Variants in DPY19L3 observed in about 807,000 individuals in gnomAD.
DPY19L3 encodes protein C-mannosyl-transferase DPY19L3.
Under a neutral mutation model 92.3 loss-of-function variants are expected in DPY19L3, and 51 were observed. That is an observed-to-expected ratio of 0.55 (90% CI 0.44 to 0.70). The LOEUF (loss-of-function observed/expected upper bound fraction) is 0.70. DPY19L3 is among the 30% of genes least tolerant of loss of function. The pLI, the probability that DPY19L3 is intolerant of heterozygous loss-of-function variation, is 0.00. For missense variants in DPY19L3, 706 were observed against 855.9 expected (o/e 0.82, Z 2.18); for synonymous variants, 309 against 315.2 (o/e 0.98, Z 0.21).
intron 4 of DPY19L3, 87 bp from the exon 5 acceptor site, chr19:32,436,359 A>G: frequency 9.5e-7 from 1 of 1,049,718 alleles, no homozygotes; most frequent in Non-Finnish European, 1.3e-6. Flanking sequence ...AGTCTCTAGC[A>G]CTTACTAAAC....
chr19:32,424,298 C>T (rs955781867), intron 3 of DPY19L3, among the ~76,000 whole-genome samples: 1 of 144,240 alleles, frequency 6.9e-6, no homozygotes, highest in African/African-American at 2.6e-5. Context: ...CCGGTCTGGG[C>T]AACAGAGTGA....
intron 16 of DPY19L3, among the ~76,000 whole-genome samples, chr19:32,474,023 G>A (rs919760157): frequency 2.6e-5 from 4 of 152,110 alleles, no homozygotes; most frequent in East Asian, 1.9e-4. Context: ...GGCTGGTCTC[G>A]AACTCCTGAC....
Position 32,426,643 on chromosome 19 carries a change from C to G in DPY19L3, c.238-6073C>G, listed in dbSNP as rs867775184. On this transcript the variant is annotated intron_variant, in intron 3 of 18. Coordinates refer to ENST00000392250, the MANE Select transcript of DPY19L3 (RefSeq NM_001172774.2). ...CAGAAGAATGACAGAGCTGTCAGAA[C>G]ACACACATTTCAGTTCACCGTCTTA... Among the ~76,000 whole-genome samples, 19 of 152,192 alleles carry G rather than the reference C, an allele frequency of 1.2e-4. No individual in the cohort carries two copies. In the South Asian group the frequency reaches 1.4e-3, roughly 12 times the overall value.
intron 3 of DPY19L3, among the ~76,000 whole-genome samples, chr19:32,417,611 G>A (rs753088326): frequency 6.6e-5 from 10 of 152,166 alleles, no homozygotes; most frequent in Non-Finnish European, 1.2e-4. Flanking sequence ...GAGCTACCAC[G>A]CCTGGCCAGA....
chr19:32,415,703 A>G (rs1261873559), intron 3 of DPY19L3, among the ~76,000 whole-genome samples: 3 of 152,228 alleles, frequency 2.0e-5, no homozygotes, highest in Admixed American at 1.3e-4. Context: ...GGATTCAGTA[A>G]TATTTAAATA....
intron 7 of DPY19L3, 147 bp from the exon 8 acceptor site, chr19:32,439,629 A>G (rs534710214): frequency 3.0e-5 from 23 of 759,424 alleles, no homozygotes; most frequent in Non-Finnish European, 4.6e-5. Context: ...GTTAGAGCTT[A>G]AATAACAAAT....
At chr19:32,432,682 T>C in intron 3 of DPY19L3, 34 bp from the exon 4 acceptor site, 2 of 1,581,614 alleles carry the variant, frequency 1.3e-6, no homozygotes, top group Non-Finnish European at 1.7e-6. Context: ...CAAAACTAGG[T>C]CACATAAACC....
intron 16 of DPY19L3, among the ~76,000 whole-genome samples, chr19:32,472,953 T>C (rs1454427426): frequency 1.3e-5 from 2 of 152,232 alleles, no homozygotes; most frequent in South Asian, 4.1e-4. Flanking sequence ...AGTTCAGACC[T>C]TAAATGCCTA....
chr19:32,464,632 T>C, intron 14 of DPY19L3, 96 bp from the exon 15 acceptor site: 2 of 715,224 alleles, frequency 2.8e-6, no homozygotes, highest in South Asian at 2.1e-5. Context: ...AGCCCAAGAA[T>C]TCCAGGCCAG....
At chr19:32,459,918 A>G (rs1161270439) in intron 12 of DPY19L3, among the ~76,000 whole-genome samples, 1 of 152,204 alleles carries the variant, frequency 6.6e-6, no homozygotes, top group Non-Finnish European at 1.5e-5. Context: ...CGATTTTATC[A>G]TTGTGCGAAT....
intron 8 of DPY19L3, among the ~76,000 whole-genome samples, chr19:32,440,904 T>G: frequency 6.6e-6 from 1 of 150,796 alleles, no homozygotes; most frequent in East Asian, 1.9e-4. Flanking sequence ...AGATCACAAG[T>G]GAGGGTAGAA....
rs188515321 is a variant in DPY19L3, at chr19:32,463,396, A to T, written c.1353A>T (p.Lys451Asn). The T allele has an allele frequency of 9.4e-5, 152 of 1,613,880 alleles. No individual in the cohort carries two copies. The Admixed American group carries it at 2.5e-3, about 26-fold the overall frequency. The part of the protein sequence containing the change: ...SDSTNQQSVG[K>N]MEKGTVDLKP... ...CTACAAATCAACAATCCGTGGGTAAAATGGAAAAAGGCACAGTTGACCTGA... is the reference window on the plus strand; with the variant it reads ...CTACAAATCAACAATCCGTGGGTAATATGGAAAAAGGCACAGTTGACCTGA... Residue 451 changes from lysine to asparagine, a missense_variant, in exon 13 of 19, where the codon AAA (lysine) becomes AAT (asparagine). Lys to Asn is a moderately conservative substitution (Grantham distance 94). Transcript: ENST00000392250.
At chr19:32,467,418 T>C (rs996624255) in intron 15 of DPY19L3, 3 of 985,856 alleles carry the variant, frequency 3.0e-6, no homozygotes, top group Non-Finnish European at 3.6e-6. Context: ...ATCATTGAAA[T>C]ATTACAAAGG....
In DPY19L3 at chr19:32,484,285, A is replaced by C. The variant is rs1228519779; in HGVS notation, c.*2045A>C. On this transcript the variant is annotated 3_prime_UTR_variant, in exon 19 of 19. Transcript: ENST00000392250. The stretch of plus-strand genomic sequence containing the variant: ...ACAGTAGCTATTTCCTGATGACCAA[A>C]TCTCTCAACGAATCATGTTATTAAT... 6.6e-6 allele frequency: 1 copy of C among 152,532 alleles called. No homozygotes were observed. Among genetic ancestry groups the C allele is most frequent in the East Asian group, 1.9e-4 (1 of 5,190 alleles). The allele number at this position is 152,532 out of a possible 1,614,324, so 9.4% of individuals were successfully genotyped here. A position where few individuals can be genotyped will look rare whatever the true frequency, so the allele number is the denominator to read the frequency against.
chr19:32,472,293 A>G (rs1409537166), intron 16 of DPY19L3, among the ~76,000 whole-genome samples: 1 of 152,106 alleles, frequency 6.6e-6, no homozygotes, highest in Non-Finnish European at 1.5e-5. Context: ...ATGGTGTGAC[A>G]TTTGACATGT....
Position 32,480,502 on chromosome 19 carries a change from G to A in DPY19L3, c.1934G>A (p.Arg645Gln), listed in dbSNP as rs547938014. ...VILEDSICYE[R>Q]RHRRGCRLRD... is the part of the protein sequence containing the mutation. ...CTGGAAGACAGCATCTGCTACGAGC[G>A]GAGGCACCGCCGGGGCTGCCGACTC... Residue 645 changes from arginine (R) to glutamine (Q), a missense_variant, in exon 18 of 19, where the codon CGG (arginine) becomes CAG (glutamine). Arg to Gln is a conservative substitution (Grantham distance 43, BLOSUM62 1). Transcript: ENST00000392250. The A allele has an allele frequency of 1.7e-5, 27 of 1,614,176 alleles. No individual in the cohort carries two copies. Among genetic ancestry groups the A allele is most frequent in the Admixed American group, 8.3e-5 (5 of 60,018 alleles).
rs1568336634 is a variant in DPY19L3 at position 32,436,609 on chromosome 19, C to CA, written c.450+45dup. 3 of 1,380,324 alleles carry CA rather than the reference C, an allele frequency of 2.2e-6. No homozygotes were observed. In the South Asian group the frequency reaches 5.7e-5, roughly 26 times the overall value. 85.5% of individuals were successfully genotyped at this position (1,380,324 alleles called of 1,614,324 possible). On this transcript the variant is annotated intron_variant, in intron 5 of 18. Coordinates refer to ENST00000392250, the MANE Select transcript of DPY19L3 (RefSeq NM_001172774.2). ...TGAATTATTAATATCAGATGAAAGT[C>CA]AAAGTCTGCCATTTTGAACTGAAAG...
At chr19:32,454,881 G>A in intron 9 of DPY19L3, 58 bp from the exon 10 acceptor site, 3 of 1,118,738 alleles carry the variant, frequency 2.7e-6, no homozygotes, top group Middle Eastern at 2.1e-4. Context: ...CTCATCTTCA[G>A]TGTTTATGAA....
intron 8 of DPY19L3, among the ~76,000 whole-genome samples, chr19:32,447,534 T>C (rs1384446393): frequency 6.6e-6 from 1 of 152,042 alleles, no homozygotes; most frequent in Admixed American, 6.6e-5. Flanking sequence ...CTGGGCAACA[T>C]GGTGAAACCC....
Sources: allele counts gnomAD v4.1 joint callset (sites outside exome capture counted in the v4.1 genomes callset), GRCh38; gene constraint gnomAD v4.1.1; transcripts MANE v1.5; gene names NCBI Gene and HGNC (gene_info 2026-07-23, HGNC 2026-07-21).